The following DMXL2 variants were observed in gnomAD, a reference collection of about 807,000 sequenced individuals.
DMXL2 encodes the protein Dmx like 2.
DMXL2 carries 103 observed loss-of-function variants against 331.1 expected under a neutral mutation model. The ratio of observed to expected loss-of-function variants is 0.31; its 90% CI spans 0.27 to 0.37. The LOEUF (loss-of-function observed/expected upper bound fraction) is 0.37, where lower values mean the gene tolerates loss of function less well. Among genes scored for constraint, DMXL2 ranks in the 10% least tolerant of loss-of-function variants. The pLI, the probability that DMXL2 is intolerant of heterozygous loss-of-function variation, is 1.00. For missense variants in DMXL2, 3,171 were observed against 3,642.9 expected (o/e 0.87, Z 3.33); for synonymous variants, 1,281 against 1,252.1 (o/e 1.02, Z -0.49).
chr15:51,509,083 T>C (rs538349287), intron 15 of DMXL2, among the ~76,000 whole-genome samples: 2 of 152,240 alleles, frequency 1.3e-5, no homozygotes, highest in East Asian at 3.9e-4. Context: ...ACCCAGAATG[T>C]TGAACCCAGA....
rs760002852 is a variant in DMXL2 at position 51,499,043 on chromosome 15, T to G, written c.4181A>C (p.His1394Pro). The G allele has an allele frequency of 6.2e-7, 1 of 1,613,984 alleles. No individual in the cohort carries two copies. Among genetic ancestry groups the G allele is most frequent in the African/African-American group, 1.3e-5 (1 of 75,070 alleles). The part of the protein sequence containing the change: ...DPDAGEGTKR[H>P]LSRTISVSGS... ...ACTTACACTAATAGTTCGAGAGAGA[T>G]GTCGCTTAGTTCCTTCTCCAGCATC... Residue 1394 changes from histidine to proline, a missense_variant, in exon 18 of 44, where the codon CAT becomes CCT. Around this residue, in one of 7 missense-constraint regions of DMXL2, gnomAD observed 1,674 missense variants for 1,780.2 expected, o/e 0.94. Coordinates refer to ENST00000560891, the MANE Select transcript of DMXL2 (RefSeq NM_001378457.1).
chr15:51,581,666 C>G (rs2051429564), intron 1 of DMXL2, among the ~76,000 whole-genome samples: 1 of 152,110 alleles, frequency 6.6e-6, no homozygotes, highest in African/African-American at 2.4e-5. Flanking sequence ...CTCAAATTTC[C>G]TTTATGTCTC....
Position 51,563,068 on chromosome 15 carries a change from T to A in DMXL2, c.567+313A>T, listed in dbSNP as rs565896853. Among the ~76,000 whole-genome samples the A allele has an allele frequency of 2.0e-5, 3 of 152,302 alleles. No individual in the cohort carries two copies. The South Asian group carries it at 6.2e-4, about 32-fold the overall frequency. On this transcript the variant is annotated intron_variant, in intron 6 of 43. Coordinates refer to ENST00000560891, the MANE Select transcript of DMXL2 (RefSeq NM_001378457.1). ...ATGAGGCAAGCAGTACATCTTTTCA[T>A]TGTGAATCCAGTATTATTTTACTTT...
intron 18 of DMXL2, among the ~76,000 whole-genome samples, chr15:51,495,446 T>G (rs1331164423): frequency 6.6e-6 from 1 of 152,160 alleles, no homozygotes; most frequent in Non-Finnish European, 1.5e-5. Context: ...ATATTAACTA[T>G]GGTAAGTTAG....
intron 6 of DMXL2, among the ~76,000 whole-genome samples, chr15:51,548,094 T>C (rs892338892): frequency 3.3e-5 from 5 of 152,170 alleles, no homozygotes; most frequent in Admixed American, 2.6e-4. Flanking sequence ...AGTATAACAA[T>C]AGGCACTGAC....
At chr15:51,453,470 A>G (rs1337680682) in intron 41 of DMXL2, 80 bp downstream of exon 41, 15 of 1,047,258 alleles carry the variant, frequency 1.4e-5, no homozygotes, top group Non-Finnish European at 2.0e-5. Flanking sequence ...GAAAAACCCT[A>G]CTAATAGAAA....
chr15:51,574,271 A>G (rs1318533040), intron 2 of DMXL2, among the ~76,000 whole-genome samples: 1 of 152,140 alleles, frequency 6.6e-6, no homozygotes, highest in Non-Finnish European at 1.5e-5. Context: ...AGAAACTACC[A>G]CAGCCTGTTT....
At chr15:51,616,539 G>A (rs1476379795) in intron 1 of DMXL2, among the ~76,000 whole-genome samples, 1 of 152,172 alleles carries the variant, frequency 6.6e-6, no homozygotes, top group Non-Finnish European at 1.5e-5. Context: ...ATGGATCAGG[G>A]TTTCAGAGCA....
In DMXL2 at chr15:51,499,774, C is replaced by A; in HGVS notation, c.3450G>T (p.Lys1150Asn). 1 of 1,614,136 alleles carries A rather than the reference C, an allele frequency of 6.2e-7. No homozygotes were observed. Among genetic ancestry groups the A allele is most frequent in the Non-Finnish European group, 8.5e-7 (1 of 1,180,016 alleles). ...SVDSNLFVYS[K>N]SDALLSKDRY... ...TATCCTTGCTCAAGAGTGCATCTGA[C>A]TTGCTATACACAAACAGATTACTGT... Residue 1150 changes from lysine to asparagine, a missense_variant, in exon 18 of 44, where the codon AAG (lysine) becomes AAT (asparagine). By Grantham distance (94) the Lys-to-Asn change is moderately conservative. Transcript: ENST00000560891.
At position 51,545,736 on chromosome 15, in the gene DMXL2, T is replaced by C. The variant is rs772059367; in HGVS notation, c.777A>G (p.Ser259=). The C allele has an allele frequency of 4.3e-6, 7 of 1,613,142 alleles. No individual in the cohort carries two copies. Among genetic ancestry groups the C allele is most frequent in the Non-Finnish European group, 4.2e-6 (5 of 1,179,386 alleles). The part of the protein sequence containing the change: ...RGSVCNVLLT[S]CHDGVCRLWA... ...AGAGCCGGCACACACCATCATGACA[T>C]GAAGTTAACAACACATTACAGACAG... The change falls in exon 8 of 44, where the codon TCA becomes TCG. Residue 259 remains serine, a synonymous_variant. Coordinates refer to ENST00000560891, the MANE Select transcript of DMXL2 (RefSeq NM_001378457.1).
At chr15:51,468,244 G>A (rs1373157635) in intron 29 of DMXL2, among the ~76,000 whole-genome samples, 3 of 152,028 alleles carry the variant, frequency 2.0e-5, no homozygotes, top group African/African-American at 4.8e-5. Context: ...AAAGGAACCA[G>A]GTTATTTCAA....
intron 1 of DMXL2, among the ~76,000 whole-genome samples, chr15:51,611,972 T>C (rs1182927496): frequency 6.6e-6 from 1 of 152,226 alleles, no homozygotes; most frequent in Non-Finnish European, 1.5e-5. Context: ...TCCCCTTCCA[T>C]GCTGTGGAAG....
At chr15:51,571,177 A>G (rs2050646202) in intron 2 of DMXL2, among the ~76,000 whole-genome samples, 1 of 152,200 alleles carries the variant, frequency 6.6e-6, no homozygotes, top group Admixed American at 6.5e-5. Flanking sequence ...CAAAGATCAA[A>G]AGAGACAAAG....
Position 51,463,541 on chromosome 15 carries a change from AAT to A in DMXL2, c.7809-47_7809-46del, listed in dbSNP as rs569098183. 4.8e-3 allele frequency: 5,296 copies of A among 1,106,156 alleles called. 24 individuals carry two copies. Among genetic ancestry groups the A allele is most frequent in the Non-Finnish European group, 5.8e-3 (4,436 of 766,210 alleles). The allele number at this position is 1,106,156 out of a possible 1,614,324, so 68.5% of individuals were successfully genotyped here. ...TATCACACTACTTTAGTCTATAGAA[AAT>A]ATGTTTATATTTGCAGATATTTATT... is the stretch of plus-strand genomic sequence containing the variant. On this transcript the variant is annotated intron_variant, in intron 32 of 43. Coordinates refer to ENST00000560891, the MANE Select transcript of DMXL2 (RefSeq NM_001378457.1).
chr15:51,620,987 A>AT (rs2141474679), intron 1 of DMXL2, among the ~76,000 whole-genome samples: 2 of 152,314 alleles, frequency 1.3e-5, no homozygotes, highest in East Asian at 3.9e-4. Context: ...AGGAAAATAT[A>AT]ACCAAAGATT....
Position 51,456,136 on chromosome 15 carries a change from T to C in DMXL2, c.8456A>G (p.Gln2819Arg). 6.2e-7 allele frequency: 1 copy of C among 1,614,180 alleles called. No homozygotes were observed. Among genetic ancestry groups the C allele is most frequent in the South Asian group, 1.1e-5 (1 of 91,084 alleles). Reference sequence around the variant, plus strand: ...GCCAGCTTGACGAAAGCAGACAAGTTGCTGAGGCCGCGTCCATTCAAACAT... The same window carrying C: ...GCCAGCTTGACGAAAGCAGACAAGTCGCTGAGGCCGCGTCCATTCAAACAT... ...VRMFEWTRPQ[Q>R]LVCFRQAGNA... Residue 2819 changes from glutamine (Q) to arginine (R), a missense_variant, in exon 39 of 44, where the codon CAA becomes CGA. Gln to Arg is a conservative substitution (Grantham distance 43, BLOSUM62 1). Around this residue, in one of 7 missense-constraint regions of DMXL2, gnomAD observed 766 missense variants for 940.5 expected, o/e 0.81. Coordinates refer to ENST00000560891, the MANE Select transcript of DMXL2 (RefSeq NM_001378457.1).
intron 1 of DMXL2, among the ~76,000 whole-genome samples, chr15:51,589,690 G>GCTA (rs1489906699): frequency 6.6e-6 from 1 of 152,162 alleles, no homozygotes. Context: ...ATAGCTAAAT[G>GCTA]TACTTTTTTT....
intron 1 of DMXL2, among the ~76,000 whole-genome samples, chr15:51,577,443 A>G (rs1183162995): frequency 6.6e-6 from 1 of 152,240 alleles, no homozygotes; most frequent in African/African-American, 2.4e-5. Context: ...GTTTATAAAA[A>G]TCAAAAAGTT....
Position 51,447,817 on chromosome 15 carries a change from T to G in DMXL2, c.*1167A>C. 6.6e-6 allele frequency: 1 copy of G among 152,670 alleles called. No individual in the cohort carries two copies. The highest frequency in any genetic ancestry group is 1.5e-5 in the Non-Finnish European group (1 of 68,034). The allele number at this position is 152,670 out of a possible 1,614,324, so 9.5% of individuals were successfully genotyped here. ...CTAACAAATAACATTTATTTTTCTT[T>G]TACATATATATTTCACAGCCTGAAC... is the stretch of plus-strand genomic sequence containing the variant. On this transcript the variant is annotated 3_prime_UTR_variant, in exon 44 of 44. Transcript: ENST00000560891.
Sources: allele counts gnomAD v4.1 joint callset (sites outside exome capture counted in the v4.1 genomes callset), GRCh38; gene constraint gnomAD v4.1.1; regional missense constraint gnomAD v4.1.1; transcripts MANE v1.5; gene names NCBI Gene and HGNC (gene_info 2026-07-23, HGNC 2026-07-21).